The following TXNRD2 variants were observed in gnomAD, a reference collection of about 807,000 sequenced individuals.
TXNRD2 encodes the protein thioredoxin reductase 2.
Under a neutral mutation model 70.8 loss-of-function variants are expected in TXNRD2, and 67 were observed. That is an observed-to-expected ratio of 0.95 (90% CI 0.78 to 1.16). TXNRD2 has a LOEUF of 1.16. TXNRD2 is among the 50% of genes most tolerant of loss of function. The pLI is 0.00. For synonymous variants in TXNRD2, 301 were observed against 295.8 expected (o/e 1.02, Z -0.18); for missense variants, 644 against 719.9 (o/e 0.89, Z 1.21).
At chr22:19,924,547 TG>T (rs1210383785) in intron 2 of TXNRD2, among the ~76,000 whole-genome samples, 1 of 152,160 alleles carries the variant, frequency 6.6e-6, no homozygotes, top group African/African-American at 2.4e-5. Flanking sequence ...CCATTCTGCA[TG>T]TTCAAACAGT....
chr22:19,907,744 C>T (rs10222338), intron 8 of TXNRD2, among the ~76,000 whole-genome samples: 231 of 11,022 alleles, frequency 0.021, 7 homozygotes, highest in East Asian at 0.067. Context: ...TGGGTAGCAG[C>T]GACCGCTCTC....
At chr22:19,877,280 G>T (rs1601377455) in intron 16 of TXNRD2, 46 bp from the exon 17 acceptor site, 4 of 1,556,090 alleles carry the variant, frequency 2.6e-6, no homozygotes, top group Middle Eastern at 1.8e-4. Flanking sequence ...GCACAGGGAG[G>T]GGGGTCCACA....
chr22:19,901,633 G>C (rs1939781863), intron 8 of TXNRD2, among the ~76,000 whole-genome samples: 1 of 152,192 alleles, frequency 6.6e-6, no homozygotes, highest in Non-Finnish European at 1.5e-5. Flanking sequence ...GTTCAGACCA[G>C]CTAAAGTAAA....
intron 10 of TXNRD2, 34 bp downstream of exon 10, chr22:19,898,005 C>A: frequency 6.5e-7 from 1 of 1,538,538 alleles, no homozygotes; most frequent in Non-Finnish European, 8.8e-7. Context: ...GGCCTCAGAG[C>A]CACAGGGGCG....
chr22:19,940,276 A>C (rs917342458), intron 1 of TXNRD2, among the ~76,000 whole-genome samples: 10 of 151,132 alleles, frequency 6.6e-5, no homozygotes, highest in African/African-American at 2.2e-4. Context: ...ACCCCAAAAA[A>C]ACAACTCATA....
At chr22:19,892,380 C>T (rs1037440939) in intron 11 of TXNRD2, among the ~76,000 whole-genome samples, 3 of 152,256 alleles carry the variant, frequency 2.0e-5, no homozygotes, top group African/African-American at 2.4e-5. Flanking sequence ...GAAGCCGCGC[C>T]GCCCTCGGGA....
intron 11 of TXNRD2, among the ~76,000 whole-genome samples, chr22:19,893,275 C>T (rs898476836): frequency 7.2e-5 from 11 of 152,208 alleles, no homozygotes; most frequent in South Asian, 2.1e-4. Flanking sequence ...CAGGGGACAA[C>T]GGACCAGGCT....
intron 11 of TXNRD2, 82 bp downstream of exon 11, chr22:19,895,325 G>A: frequency 6.2e-7 from 1 of 1,604,530 alleles, no homozygotes; most frequent in Non-Finnish European, 8.5e-7. Flanking sequence ...GGAGCCCTGG[G>A]AGGTGACAGG....
chr22:19,895,312 G>T (rs1452889296), intron 11 of TXNRD2, 95 bp downstream of exon 11: 13 of 1,598,656 alleles, frequency 8.1e-6, no homozygotes, highest in African/African-American at 1.3e-5. Context: ...CCAGCAGGAT[G>T]GGGGAGCCCT....
At chr22:19,931,884 G>C (rs1040558118) in intron 1 of TXNRD2, among the ~76,000 whole-genome samples, 1 of 152,124 alleles carries the variant, frequency 6.6e-6, no homozygotes, top group African/African-American at 2.4e-5. Context: ...GCACAGGCTA[G>C]GGGCGGTAGC....
At chr22:19,930,973 C>A (rs1290398293) in intron 2 of TXNRD2, 57 bp downstream of exon 2, 7 of 1,532,214 alleles carry the variant, frequency 4.6e-6, no homozygotes, top group Non-Finnish European at 6.3e-6. Flanking sequence ...CAGCACCACC[C>A]TCTCTAGGGG....
intron 2 of TXNRD2, among the ~76,000 whole-genome samples, chr22:19,924,411 C>T (rs1269542383): frequency 1.3e-5 from 2 of 152,222 alleles, no homozygotes; most frequent in African/African-American, 4.8e-5. Context: ...GCATCTTCAC[C>T]TGGCCTTTCA....
chr22:19,909,984 TCA>T (rs950953289), intron 8 of TXNRD2, among the ~76,000 whole-genome samples: 7 of 138,564 alleles, frequency 5.1e-5, no homozygotes, highest in African/African-American at 1.1e-4. Flanking sequence ...CACACACCAT[TCA>T]CACACACACA....
At chr22:19,934,736 G>A (rs974204168) in intron 1 of TXNRD2, among the ~76,000 whole-genome samples, 4 of 151,812 alleles carry the variant, frequency 2.6e-5, no homozygotes, top group Non-Finnish European at 4.4e-5. Flanking sequence ...CTAATTTTTT[G>A]TACTTTCAGG....
intron 2 of TXNRD2, among the ~76,000 whole-genome samples, chr22:19,930,675 A>T (rs531188544): frequency 8.5e-5 from 13 of 152,290 alleles, no homozygotes; most frequent in African/African-American, 3.1e-4. Context: ...TGACAGCCAC[A>T]GTAAGGTGAA....
chr22:19,909,522 ACACACACAC>A (rs1389897918), intron 8 of TXNRD2, among the ~76,000 whole-genome samples: 2,925 of 138,878 alleles, frequency 0.021, 48 homozygotes, highest in African/African-American at 0.035. Flanking sequence ...CACCACTCAC[ACACACACAC>A]CACACACACA....
rs1317408863 is a variant in TXNRD2, at chr22:19,915,776, CT to C, written c.516del (p.Gly173ValfsTer42). ...VDEHTVCGVA[K>X]GGKEILLSAD... ...AGTCAGATGCTCACCTCTTTCCCACCTTTGGCAACGCCGCAAACCGTGTGCT... is the reference window on the plus strand; with the variant it reads ...AGTCAGATGCTCACCTCTTTCCCACCTTGGCAACGCCGCAAACCGTGTGCT... On this transcript the variant is annotated frameshift_variant, in exon 6 of 18. Transcript: ENST00000400521. LOFTEE classifies it high-confidence loss of function. 1.5e-5 allele frequency: 24 copies of C among 1,614,114 alleles called. No homozygotes were observed. The highest frequency in any genetic ancestry group is 1.9e-5 in the Non-Finnish European group (22 of 1,180,040).
chr22:19,898,190 C>A, intron 9 of TXNRD2, 60 bp from the exon 10 acceptor site: 1 of 1,467,216 alleles, frequency 6.8e-7, no homozygotes, highest in Non-Finnish European at 9.3e-7. Flanking sequence ...TGGGACAACA[C>A]CCCAGGGCCC....
chr22:19,902,184 A>G (rs1276004494), intron 8 of TXNRD2, among the ~76,000 whole-genome samples: 1 of 152,188 alleles, frequency 6.6e-6, no homozygotes, highest in African/African-American at 2.4e-5. Flanking sequence ...CCCTGTCTCT[A>G]AAACAAACAA....
Sources: allele counts gnomAD v4.1 joint callset (sites outside exome capture counted in the v4.1 genomes callset), GRCh38; gene constraint gnomAD v4.1.1; transcripts MANE v1.5; gene names NCBI Gene and HGNC (gene_info 2026-07-23, HGNC 2026-07-21).